ATXN1: variants seen among roughly 807,000 people sequenced by gnomAD.
The protein encoded by ATXN1 is ataxin-1.
A neutral mutation model predicts 56.4 loss-of-function variants in ATXN1; 8 were observed. The ratio of observed to expected loss-of-function variants is 0.14; its 90% CI spans 0.08 to 0.26. The LOEUF is 0.26. Ranked by LOEUF, ATXN1 falls within the 10% of genes least tolerant of loss-of-function variation. ATXN1 has a pLI of 1.00. For missense variants in ATXN1, 987 were observed against 1,106.5 expected (o/e 0.89, Z 1.53); for synonymous variants, 514 against 494.6 (o/e 1.04, Z -0.52).
intron 2 of ATXN1, chr6:16,738,808 A>T (rs1430951365): frequency 6.6e-6 from 1 of 152,246 alleles, no homozygotes; most frequent in African/African-American, 2.4e-5. Context: ...ACATGAATTC[A>T]ATTTTCTTTA....
In ATXN1 at chr6:16,304,920, T is replaced by C. The variant is rs1760205453; in HGVS notation, c.*1409A>G. On this transcript the variant is annotated 3_prime_UTR_variant, in exon 8 of 8. Coordinates refer to ENST00000436367, the MANE Select transcript of ATXN1 (RefSeq NM_001128164.2). Reference sequence around the variant, plus strand: ...AACTCTGCATATGCCTTGAACTGATTCTCAGACATCAAAGTGAAAAGTGCC... The same window carrying C: ...AACTCTGCATATGCCTTGAACTGATCCTCAGACATCAAAGTGAAAAGTGCC... 1 of 152,666 alleles carries C rather than the reference T, an allele frequency of 6.6e-6. No homozygotes were observed. The highest frequency in any genetic ancestry group is 2.1e-4 in the South Asian group (1 of 4,832). The allele number at this position is 152,666 out of a possible 1,614,324, so 9.5% of individuals were successfully genotyped here.
At chr6:16,625,505 T>G (rs1372175023) in intron 3 of ATXN1, among the ~76,000 whole-genome samples, 2 of 152,030 alleles carry the variant, frequency 1.3e-5, no homozygotes, top group Non-Finnish European at 2.9e-5. Context: ...TTACAATCGC[T>G]TTGGAGAGGC....
chr6:16,327,142 G>A lies in ATXN1; in HGVS notation c.1169C>T (p.Thr390Met), dbSNP rs147504248. 11 of 1,613,506 alleles carry A rather than the reference G, an allele frequency of 6.8e-6. No homozygotes were observed. The highest frequency in any genetic ancestry group is 1.7e-5 in the Admixed American group (1 of 60,014). ...TTGCACCTCCAGGTCAGCTGCGGGC[G>A]TGTTGCTGTTGGGCAGGACCATCAC... ...ASVMVLPNSN[T>M]PAADLEVQQA... is the part of the protein sequence containing the mutation. Residue 390 changes from threonine (T) to methionine (M), a missense_variant, in exon 7 of 8, where the codon ACG becomes ATG. Physicochemically the swap from Thr to Met is moderately conservative, Grantham distance 81. This residue lies in a region of ATXN1 where 723 missense variants were observed against 791.7 expected (regional missense o/e 0.91). Transcript: ENST00000436367.
chr6:16,746,855 A>G lies in ATXN1; in HGVS notation c.-615+6378T>C, dbSNP rs1358102889. On this transcript the variant is annotated intron_variant, in intron 2 of 7. Coordinates refer to ENST00000436367, the MANE Select transcript of ATXN1 (RefSeq NM_001128164.2). ...GGGGGAGCCGGGAGCAAGAATTACAATAAAATCTATTCATGGAACTGTACA... is the reference window on the plus strand; with the variant it reads ...GGGGGAGCCGGGAGCAAGAATTACAGTAAAATCTATTCATGGAACTGTACA... Among the ~76,000 whole-genome samples the G allele has an allele frequency of 2.0e-5, 3 of 152,204 alleles. No individual in the cohort carries two copies. The East Asian group carries it at 5.8e-4, about 29-fold the overall frequency.
intron 2 of ATXN1, among the ~76,000 whole-genome samples, chr6:16,687,657 T>TACACACACACACACACACACACACACAC (rs57034032): frequency 7.0e-6 from 1 of 143,294 alleles, no homozygotes; most frequent in African/African-American, 2.6e-5. Flanking sequence ...AAAGAAGAAA[T>TACACACACACACACACACACACACACAC]ACACACACAC....
chr6:16,515,239 G>C (rs13192772), intron 5 of ATXN1, among the ~76,000 whole-genome samples: 17,366 of 151,982 alleles, frequency 0.11, 1,407 homozygotes, highest in East Asian at 0.37. Context: ...TGGGACCCCA[G>C]TCTCTTTTTT....
chr6:16,660,315 A>G (rs1161256423), intron 2 of ATXN1, among the ~76,000 whole-genome samples: 1 of 152,254 alleles, frequency 6.6e-6, no homozygotes, highest in Non-Finnish European at 1.5e-5. Flanking sequence ...ACAGGGGCCT[A>G]GGGCATTCAC....
chr6:16,529,200 G>T (rs991080499), intron 4 of ATXN1, among the ~76,000 whole-genome samples: 1 of 149,160 alleles, frequency 6.7e-6, no homozygotes, highest in Non-Finnish European at 1.5e-5. Context: ...TCTTTGTCAG[G>T]GTTTTTTGTT....
intron 4 of ATXN1, among the ~76,000 whole-genome samples, chr6:16,528,300 CAAAAAAA>C (rs375416081): frequency 1.3e-5 from 1 of 74,468 alleles, no homozygotes; most frequent in Admixed American, 1.5e-4. Context: ...GACTCCCTCT[CAAAAAAA>C]AAAAAAAAAA....
chr6:16,525,096 G>A (rs1225564176), intron 4 of ATXN1, among the ~76,000 whole-genome samples: 3 of 152,106 alleles, frequency 2.0e-5, no homozygotes, highest in Non-Finnish European at 4.4e-5. Flanking sequence ...TACCTGTACT[G>A]TATTCCCTTT....
intron 6 of ATXN1, among the ~76,000 whole-genome samples, chr6:16,462,276 C>T (rs1320732228): frequency 6.6e-6 from 1 of 152,014 alleles, no homozygotes; most frequent in Non-Finnish European, 1.5e-5. Flanking sequence ...CTTTGGACAC[C>T]CCCTGAAGAA....
chr6:16,327,029 G>C lies in ATXN1; in HGVS notation c.1282C>G (p.Leu428Val). ...GTCTGAATGACCGTGTGGGGTGAGA[G>C]CGCGTAGGACCGGTGGCCAGGCTTC... Reference protein sequence around the residue: ...LGKPGHRSYALSPHTVIQTTH... With the variant: ...LGKPGHRSYAVSPHTVIQTTH... Residue 428 changes from leucine (L) to valine (V), a missense_variant, in exon 7 of 8, where the codon CTC (leucine) becomes GTC (valine). Leu to Val is a conservative substitution (Grantham distance 32). This residue lies in a region of ATXN1 where 723 missense variants were observed against 791.7 expected (regional missense o/e 0.91). Transcript: ENST00000436367. The C allele has an allele frequency of 6.2e-7, 1 of 1,614,180 alleles. No individual in the cohort carries two copies. Among genetic ancestry groups the C allele is most frequent in the Non-Finnish European group, 8.5e-7 (1 of 1,180,036 alleles).
chr6:16,734,819 T>C lies in ATXN1; in HGVS notation c.-615+18414A>G, dbSNP rs189364322. Among the ~76,000 whole-genome samples the C allele has an allele frequency of 1.4e-4, 22 of 152,294 alleles. 1 individual carries two copies. The highest frequency in any genetic ancestry group is 2.9e-5 in the Non-Finnish European group (2 of 68,014). Reference sequence around the variant, plus strand: ...TTAAAAATATTTTAAAACGTCATGTTTCTATAGTGGTTCCTTCTGAGGTGG... The same window carrying C: ...TTAAAAATATTTTAAAACGTCATGTCTCTATAGTGGTTCCTTCTGAGGTGG... On this transcript the variant is annotated intron_variant, in intron 2 of 7. Transcript: ENST00000436367.
At chr6:16,732,935 T>C (rs1760024344) in intron 2 of ATXN1, among the ~76,000 whole-genome samples, 1 of 152,244 alleles carries the variant, frequency 6.6e-6, no homozygotes, top group South Asian at 2.1e-4. Flanking sequence ...TACAGAATTG[T>C]ATGGCCCTTG....
chr6:16,714,165 A>G (rs1429612627), intron 2 of ATXN1, among the ~76,000 whole-genome samples: 1 of 132,242 alleles, frequency 7.6e-6, no homozygotes, highest in Non-Finnish European at 1.6e-5. Context: ...AAAAGAAAGA[A>G]AAAAAAAACC....
chr6:16,550,663 G>A (rs1761903635), intron 4 of ATXN1, among the ~76,000 whole-genome samples: 1 of 152,132 alleles, frequency 6.6e-6, no homozygotes, highest in African/African-American at 2.4e-5. Context: ...AGGTAAGTCA[G>A]CCATGGACAC....
chr6:16,419,731 GCTGC>G (rs948646365), intron 6 of ATXN1, among the ~76,000 whole-genome samples: 16 of 152,280 alleles, frequency 1.1e-4, no homozygotes, highest in African/African-American at 3.9e-4. Context: ...ATGCTGAGTG[GCTGC>G]CCGGGTCTGC....
intron 6 of ATXN1, among the ~76,000 whole-genome samples, chr6:16,475,400 G>A (rs534074179): frequency 6.6e-6 from 1 of 152,334 alleles, no homozygotes; most frequent in South Asian, 2.1e-4. Context: ...AACGCATCAT[G>A]ATAGATTTTG....
chr6:16,759,703 T>G lies in ATXN1; in HGVS notation c.-730+1595A>C, dbSNP rs147628471. Among the ~76,000 whole-genome samples the G allele has an allele frequency of 2.4e-3, 370 of 152,136 alleles. 2 individuals carry two copies. The highest frequency in any genetic ancestry group is 5.0e-3 in the South Asian group (24 of 4,810). ...CCCGCCGTCCTTAGAAACGGATTTT[T>G]TTTTGTTTTGTTTTGTTTTCTGGCA... On this transcript the variant is annotated intron_variant, in intron 1 of 7. Transcript: ENST00000436367.
Sources: gnomAD v4.1 joint callset for allele counts (sites outside exome capture counted in the v4.1 genomes callset) on GRCh38, gnomAD v4.1.1 for gene constraint, gnomAD v4.1.1 regional missense constraint, MANE v1.5 for transcripts, NCBI Gene and HGNC (gene_info 2026-07-23, HGNC 2026-07-21) for gene names.